The following IL17RB variants were observed in gnomAD, a reference collection of about 807,000 sequenced individuals.
IL17RB encodes the protein interleukin-17 receptor B.
Under a neutral mutation model 43.9 loss-of-function variants are expected in IL17RB, and 36 were observed. The observed-to-expected ratio is 0.82, with a 90% CI of 0.63 to 1.08. IL17RB has a LOEUF of 1.08. Among genes scored for constraint, IL17RB ranks in the 50% least tolerant of loss-of-function variants. The pLI, the probability that IL17RB is intolerant of heterozygous loss-of-function variation, is 0.00. For synonymous variants in IL17RB, 225 were observed against 225.4 expected, an observed-to-expected ratio of 1.00 and a Z score of 0.02; for missense variants, 613 against 613.6, an observed-to-expected ratio of 1.00 and a Z score of 0.01.
At position 53,858,825 on chromosome 3, in the gene IL17RB, G is replaced by A; in HGVS notation, c.847+7G>A. The A allele has an allele frequency of 6.2e-7, 1 of 1,606,364 alleles. No individual in the cohort carries two copies. The highest frequency in any genetic ancestry group is 1.3e-5 in the African/African-American group (1 of 74,868). Reference sequence around the variant, plus strand: ...CCTTTCCCTCTGGATAACAGTAAGTGCCCAGTAACTTCAACCAGATGATCA... The same window carrying A: ...CCTTTCCCTCTGGATAACAGTAAGTACCCAGTAACTTCAACCAGATGATCA... On this transcript the variant is annotated splice_region_variant and intron_variant, in intron 9 of 10. Coordinates refer to ENST00000288167, the MANE Select transcript of IL17RB (RefSeq NM_018725.4).
chr3:53,859,094 G>C, intron 9 of IL17RB: 1 of 312,746 alleles, frequency 3.2e-6, no homozygotes, highest in Middle Eastern at 8.4e-4. Flanking sequence ...GATGTTCTGA[G>C]TGCCACAAGG....
At chr3:53,853,164 C>T (rs1699218079) in intron 5 of IL17RB, among the ~76,000 whole-genome samples, 167 bp downstream of exon 5, 1 of 152,200 alleles carries the variant, frequency 6.6e-6, no homozygotes, top group Non-Finnish European at 1.5e-5. Context: ...ACCCACAGAG[C>T]AGAGAGAATA....
chr3:53,849,608 G>A (rs1327910674), intron 2 of IL17RB, 47 bp from the exon 3 acceptor site: 2 of 1,527,462 alleles, frequency 1.3e-6, no homozygotes, highest in African/African-American at 1.4e-5. Context: ...CATGGCATCA[G>A]ACTGGGCTGG....
rs771727611 is a variant in IL17RB at position 53,852,917 on chromosome 3, A to T, written c.401A>T (p.Tyr134Phe). The part of the protein sequence containing the change: ...IGFPVELNTV[Y>F]FIGAHNIPNA... ...TTCCCTGTAGAGCTGAACACAGTCT[A>T]TTTCATTGGGGCCCATAATATTCCT... Residue 134 changes from tyrosine (Y) to phenylalanine (F), a missense_variant, in exon 5 of 11, where the codon TAT (tyrosine) becomes TTT (phenylalanine). By Grantham distance (22) the Tyr-to-Phe change is conservative. Transcript: ENST00000288167. The T allele has an allele frequency of 1.3e-5, 21 of 1,613,606 alleles. No homozygotes were observed. Among genetic ancestry groups the T allele is most frequent in the Non-Finnish European group, 1.8e-5 (21 of 1,179,500 alleles).
At chr3:53,859,983 C>G in intron 9 of IL17RB, 147 bp from the exon 10 acceptor site, 1 of 589,614 alleles carries the variant, frequency 1.7e-6, no homozygotes, top group Non-Finnish European at 2.9e-6. Flanking sequence ...GCACTCCAGC[C>G]TAGGCAACAA....
chr3:53,857,452 AATT>A (rs1283959085), intron 7 of IL17RB, among the ~76,000 whole-genome samples, 161 bp from the exon 8 acceptor site: 1 of 152,060 alleles, frequency 6.6e-6, no homozygotes, highest in East Asian at 1.9e-4. Flanking sequence ...ATGCCGAGCT[AATT>A]TTTTCATCTT....
chr3:53,855,432 G>C (rs1372674276), intron 6 of IL17RB, 91 bp downstream of exon 6: 6 of 891,712 alleles, frequency 6.7e-6, no homozygotes, highest in Non-Finnish European at 1.1e-5. Context: ...GAAGAACTGA[G>C]CCCTAGGGGA....
Position 53,860,220 on chromosome 3 carries a change from G to A in IL17RB, c.938G>A (p.Trp313Ter). 1 of 1,611,640 alleles carries A rather than the reference G, an allele frequency of 6.2e-7. No individual in the cohort carries two copies. Among genetic ancestry groups the A allele is most frequent in the Non-Finnish European group, 8.5e-7 (1 of 1,178,210 alleles). The change falls in exon 10 of 11, where the codon TGG (tryptophan) becomes TAG (stop). Residue 313 changes from tryptophan (W) to a stop codon, truncating the protein, a stop_gained. Transcript: ENST00000288167. LOFTEE classifies it low-confidence loss of function (END_TRUNC). The stretch of plus-strand genomic sequence containing the variant: ...CTGGTGGCAGGGATCTATCTAATGT[G>A]GAGGCACGGTAAGGGTTATAATTCT... ...WVLVAGIYLM[W>*]RHERIKKTSF...
chr3:53,853,014 G>T lies in IL17RB; in HGVS notation c.481+17G>T. ...CCTCACCAGGTAAACTTCCTCATTT[G>T]TTTATTATTCTTTGTCTTGCTGGGA... On this transcript the variant is annotated intron_variant, in intron 5 of 10. Transcript: ENST00000288167. 6.2e-7 allele frequency: 1 copy of T among 1,613,780 alleles called. No homozygotes were observed. The highest frequency in any genetic ancestry group is 1.7e-4 in the Middle Eastern group (1 of 6,056).
At chr3:53,855,793 A>G (rs1190114991) in intron 6 of IL17RB, among the ~76,000 whole-genome samples, 1 of 152,180 alleles carries the variant, frequency 6.6e-6, no homozygotes, top group Non-Finnish European at 1.5e-5. Context: ...TGAGTTCGCT[A>G]AAGGACTGGC....
chr3:53,850,283 G>A (rs371436939), intron 3 of IL17RB, among the ~76,000 whole-genome samples: 220 of 152,198 alleles, frequency 1.4e-3, no homozygotes, highest in Admixed American at 0.012. Flanking sequence ...GATCACTTGA[G>A]GCCAGGAGTT....
At chr3:53,855,009 C>T (rs543650364) in intron 5 of IL17RB, among the ~76,000 whole-genome samples, 71 of 150,556 alleles carry the variant, frequency 4.7e-4, no homozygotes, top group African/African-American at 1.6e-3. Context: ...CCCAGCTACT[C>T]AGGAGCCTGA....
At position 53,858,702 on chromosome 3, in the gene IL17RB, CT is replaced by C; in HGVS notation, c.748-16del. 6.2e-7 allele frequency: 1 copy of C among 1,612,882 alleles called. No individual in the cohort carries two copies. The highest frequency in any genetic ancestry group is 8.5e-7 in the Non-Finnish European group (1 of 1,179,150). On this transcript the variant is annotated splice_polypyrimidine_tract_variant and intron_variant, in intron 8 of 10. Coordinates refer to ENST00000288167, the MANE Select transcript of IL17RB (RefSeq NM_018725.4). ...GATGCATGGTGTGAACTTTCTGAGC[CT>C]CTTGTTTTTCCTCAGCTGACTCCAT... is the stretch of plus-strand genomic sequence containing the variant.
chr3:53,852,114 C>G lies in IL17RB; in HGVS notation c.342C>G (p.Pro114=), dbSNP rs750489131. The G allele has an allele frequency of 2.8e-5, 45 of 1,613,884 alleles. No individual in the cohort carries two copies. The South Asian group carries it at 4.9e-4, about 18-fold the overall frequency. The change falls in exon 4 of 11, where the codon CCC becomes CCG. Residue 114 remains proline (P), a synonymous_variant. Transcript: ENST00000288167. ...YTEAFQTQTR[P]SGGKWTFSYI... is the part of the protein sequence containing the mutation. ...AGGCCTTCCAGACTCAGACCAGACC[C>G]TCTGGTGGTAAAGTAAGCACTTTTT...
chr3:53,865,672 T>A lies in IL17RB; in HGVS notation c.*364T>A, dbSNP rs1226332491. ...TAATATTCTATGTTTAATTAATGAATACTAACTCTAAGAACCCCTCACTGA... is the reference window on the plus strand; with the variant it reads ...TAATATTCTATGTTTAATTAATGAAAACTAACTCTAAGAACCCCTCACTGA... On this transcript the variant is annotated 3_prime_UTR_variant, in exon 11 of 11. Coordinates refer to ENST00000288167, the MANE Select transcript of IL17RB (RefSeq NM_018725.4). The A allele has an allele frequency of 6.0e-6, 1 of 166,838 alleles. No individual in the cohort carries two copies. Among genetic ancestry groups the A allele is most frequent in the African/African-American group, 2.4e-5 (1 of 41,938 alleles). 10.3% of individuals were successfully genotyped at this position (166,838 alleles called of 1,614,324 possible). A position where few individuals can be genotyped will look rare whatever the true frequency, so the allele number is the denominator to read the frequency against.
chr3:53,862,384 T>G (rs1699594607), intron 10 of IL17RB, among the ~76,000 whole-genome samples: 2 of 152,198 alleles, frequency 1.3e-5, no homozygotes, highest in Non-Finnish European at 2.9e-5. Flanking sequence ...ATTACATCAC[T>G]GAAGATGCCA....
chr3:53,858,762 A>G lies in IL17RB; in HGVS notation c.791A>G (p.His264Arg). 2 of 1,614,216 alleles carry G rather than the reference A, an allele frequency of 1.2e-6. No individual in the cohort carries two copies. The highest frequency in any genetic ancestry group is 1.7e-6 in the Non-Finnish European group (2 of 1,180,038). The change falls in exon 9 of 11, where the codon CAT becomes CGT. Residue 264 changes from histidine (H) to arginine (R), a missense_variant. Transcript: ENST00000288167. ...FPTCGSDCIR[H>R]KGTVVLCPQT... ...ACTTGTGGCAGCGACTGCATCCGACATAAAGGAACAGTTGTGCTCTGCCCA... is the reference window on the plus strand; with the variant it reads ...ACTTGTGGCAGCGACTGCATCCGACGTAAAGGAACAGTTGTGCTCTGCCCA...
At chr3:53,863,398 T>TA (rs35257539) in intron 10 of IL17RB, among the ~76,000 whole-genome samples, 13,497 of 152,144 alleles carry the variant, frequency 0.089, 723 homozygotes, top group East Asian at 0.2. Context: ...GCAGAGCTAT[T>TA]AAAAAAACTC....
chr3:53,863,517 GGCACCT>G (rs1245175336), intron 10 of IL17RB, among the ~76,000 whole-genome samples: 1 of 152,168 alleles, frequency 6.6e-6, no homozygotes, highest in Non-Finnish European at 1.5e-5. Context: ...AAGCCACAGG[GGCACCT>G]GGACCTCAGG....
Sources: gnomAD v4.1 joint callset for allele counts (sites outside exome capture counted in the v4.1 genomes callset) on GRCh38, gnomAD v4.1.1 for gene constraint, MANE v1.5 for transcripts, NCBI Gene and HGNC (gene_info 2026-07-23, HGNC 2026-07-21) for gene names.